Variants in TENM3 observed in about 807,000 individuals in gnomAD.
The protein encoded by TENM3 is teneurin transmembrane protein 3, also known as teneurin-3.
A neutral mutation model predicts 255.1 loss-of-function variants in TENM3; 63 were observed. That is an observed-to-expected ratio of 0.25 (90% CI 0.20 to 0.30). The LOEUF is 0.30. TENM3 is among the 10% of genes least tolerant of loss of function. The pLI is 1.00. For synonymous variants in TENM3, 1,306 were observed against 1,322.3 expected (o/e 0.99, Z 0.27); for missense variants, 2,929 against 3,461.1 (o/e 0.85, Z 3.86).
chr4:181,605,512 A>AAGAG, the TENM3 span, among the ~76,000 whole-genome samples: 1 of 20,068 alleles, frequency 5.0e-5, no homozygotes, highest in Non-Finnish European at 1.3e-4. Context: ...GAAAGAAAGA[A>AAGAG]AGAAAGAAAG....
chr4:181,964,855 C>G, the TENM3 span, among the ~76,000 whole-genome samples: 197 of 152,256 alleles, frequency 1.3e-3, 1 homozygote, highest in African/African-American at 4.2e-3. Context: ...AAGATTTACA[C>G]TGATCCACTG....
the TENM3 span, among the ~76,000 whole-genome samples, chr4:181,936,275 G>A: frequency 1.2e-4 from 18 of 152,104 alleles, no homozygotes; most frequent in Non-Finnish European, 1.9e-4. Flanking sequence ...TGTGCCTGTC[G>A]TCCCAGCTAC....
chr4:181,529,250 G>A, the TENM3 span, among the ~76,000 whole-genome samples: 1 of 152,110 alleles, frequency 6.6e-6, no homozygotes, highest in Non-Finnish European at 1.5e-5. Context: ...AAAGGCATGA[G>A]CAAAAATGAA....
the TENM3 span, among the ~76,000 whole-genome samples, chr4:181,527,030 C>G: frequency 1.3e-5 from 2 of 152,250 alleles, no homozygotes; most frequent in Non-Finnish European, 2.9e-5. Context: ...GCCCTGGGTC[C>G]TTGCAGCCAC....
rs188796180 is a variant in TENM3, at chr4:182,341,856, C to T, written c.233-4795C>T. On this transcript the variant is annotated intron_variant, in intron 2 of 27. Transcript: ENST00000511685. ...TTGCATAGCAGACTCACAGAATCAG[C>T]TGCTTTTCAGGGGAACAATGATTCT... Among the ~76,000 whole-genome samples, 147 of 152,236 alleles carry T rather than the reference C, an allele frequency of 9.7e-4. 1 individual carries two copies. The highest frequency in any genetic ancestry group is 2.9e-3 in the Admixed American group (44 of 15,288).
intron 13 of TENM3, among the ~76,000 whole-genome samples, chr4:182,718,386 A>G (rs768029909): frequency 1.3e-5 from 2 of 151,846 alleles, no homozygotes; most frequent in Non-Finnish European, 2.9e-5. Flanking sequence ...ACCACAAAGA[A>G]CACACACCTT....
chr4:182,581,853 A>T (rs1296617437), intron 3 of TENM3, among the ~76,000 whole-genome samples: 1 of 152,134 alleles, frequency 6.6e-6, no homozygotes, highest in African/African-American at 2.4e-5. Flanking sequence ...AAAAGGAATG[A>T]TATCTAGAGT....
the TENM3 span, among the ~76,000 whole-genome samples, chr4:181,915,997 C>T: frequency 3.3e-5 from 5 of 152,158 alleles, no homozygotes; most frequent in African/African-American, 1.2e-4. Flanking sequence ...TGTGGCTTCT[C>T]ATTGCTGTTA....
rs149768898 is a variant in TENM3 at position 182,600,222 on chromosome 4, C to T, written c.512-702C>T. Among the ~76,000 whole-genome samples, 626 of 152,260 alleles carry T rather than the reference C, an allele frequency of 4.1e-3. 2 individuals carry two copies. Among genetic ancestry groups the T allele is most frequent in the African/African-American group, 0.015 (604 of 41,548 alleles). On this transcript the variant is annotated intron_variant, in intron 3 of 27. Coordinates refer to ENST00000511685, the MANE Select transcript of TENM3 (RefSeq NM_001080477.4). ...TTACTGTGAAATTGGAAAATCTGTTCTGTGTGTGTTCTAATGGATGTGACG... is the reference window on the plus strand; with the variant it reads ...TTACTGTGAAATTGGAAAATCTGTTTTGTGTGTGTTCTAATGGATGTGACG...
At chr4:181,578,403 C>G in the TENM3 span, among the ~76,000 whole-genome samples, 1 of 152,120 alleles carries the variant, frequency 6.6e-6, no homozygotes, top group Non-Finnish European at 1.5e-5. Flanking sequence ...GCAAAAGAGG[C>G]AGCTTTCAGC....
intron 3 of TENM3, among the ~76,000 whole-genome samples, chr4:182,474,649 G>A (rs1733491138): frequency 6.6e-6 from 1 of 152,090 alleles, no homozygotes. Context: ...CTGTTAAACT[G>A]TTTTGTTTCT....
At chr4:182,530,903 T>A (rs1475779322) in intron 3 of TENM3, among the ~76,000 whole-genome samples, 1 of 152,202 alleles carries the variant, frequency 6.6e-6, no homozygotes, top group Non-Finnish European at 1.5e-5. Flanking sequence ...TAAAGGGGAC[T>A]GGGCAGGTGG....
the TENM3 span, among the ~76,000 whole-genome samples, chr4:181,699,538 G>A: frequency 1.4e-5 from 2 of 145,566 alleles, no homozygotes; most frequent in Non-Finnish European, 3.0e-5. Flanking sequence ...ACAATTTATA[G>A]AGACTAATTA....
At chr4:181,532,816 T>C in the TENM3 span, among the ~76,000 whole-genome samples, 1 of 152,212 alleles carries the variant, frequency 6.6e-6, no homozygotes, top group Admixed American at 6.5e-5. Context: ...ACCTAACTCT[T>C]ATGATATTGT....
chr4:181,987,987 G>T, the TENM3 span, among the ~76,000 whole-genome samples: 2 of 151,938 alleles, frequency 1.3e-5, no homozygotes, highest in Non-Finnish European at 2.9e-5. Flanking sequence ...GGGTAGGTTC[G>T]TAATTAAGTG....
chr4:181,935,542 C>T, the TENM3 span, among the ~76,000 whole-genome samples: 1 of 152,230 alleles, frequency 6.6e-6, no homozygotes, highest in African/African-American at 2.4e-5. Flanking sequence ...AGCTACCGGG[C>T]ATCACTATGG....
At chr4:182,406,745 A>G (rs553303991) in intron 3 of TENM3, among the ~76,000 whole-genome samples, 1 of 152,346 alleles carries the variant, frequency 6.6e-6, no homozygotes, top group Admixed American at 6.5e-5. Flanking sequence ...CTCGCTATCT[A>G]TAAAGTTTAT....
upstream of TENM3, among the ~76,000 whole-genome samples, chr4:182,139,537 C>T (rs1187045042): frequency 2.0e-5 from 3 of 152,182 alleles, no homozygotes; most frequent in African/African-American, 7.2e-5. Context: ...ACCTCGAGTA[C>T]ACTATATACG....
chr4:181,524,638 A>G, the TENM3 span, among the ~76,000 whole-genome samples: 1 of 152,202 alleles, frequency 6.6e-6, no homozygotes, highest in African/African-American at 2.4e-5. Context: ...TTCTTTGGAG[A>G]TATAATCATC....
Sources: gnomAD v4.1 joint callset for allele counts (sites outside exome capture counted in the v4.1 genomes callset) on GRCh38, gnomAD v4.1.1 for gene constraint, MANE v1.5 for transcripts, NCBI Gene and HGNC (gene_info 2026-07-23, HGNC 2026-07-21) for gene names.